Variants in PCDH15 observed in about 807,000 individuals in gnomAD.
PCDH15 encodes the protein protocadherin related 15, also known as protocadherin-15.
In PCDH15, 129 loss-of-function variants were observed where a neutral mutation model predicts 178.5. The ratio of observed to expected loss-of-function variants is 0.72; its 90% confidence interval spans 0.63 to 0.84. The LOEUF is 0.84. Among genes scored for constraint, PCDH15 ranks in the 40% least tolerant of loss-of-function variants. The probability of loss-of-function intolerance (pLI) is 0.00; values close to 1 mark genes in which losing one functional copy is unlikely to be tolerated. For missense variants in PCDH15, 2,230 were observed against 2,099.9 expected, an observed-to-expected ratio of 1.06 and a Z score of -1.21; for synonymous variants, 800 against 732.0, an observed-to-expected ratio of 1.09 and a Z score of -1.50.
chr10:54,867,016 T>A (rs1953954814), intron 3 of PCDH15, among the ~76,000 whole-genome samples: 1 of 152,196 alleles, frequency 6.6e-6, no homozygotes, highest in African/African-American at 2.4e-5. Flanking sequence ...AATTGTGAGA[T>A]GTTTAAAGTT....
rs552773709 is a variant in PCDH15 at position 54,811,471 on chromosome 10, T to A, written c.-29+85979A>T. Among the ~76,000 whole-genome samples, 34 of 152,224 alleles carry A rather than the reference T, an allele frequency of 2.2e-4. 2 individuals carry two copies. The South Asian group carries it at 5.8e-3, about 26-fold the overall frequency. On this transcript the variant is annotated intron_variant, in intron 3 of 5. Transcript: ENST00000458638. Reference sequence around the variant, plus strand: ...TCAGTTATAGCTAAATAATTTTTTTTATTTTATTTTTATTTTTTGAGATGT... The same window carrying A: ...TCAGTTATAGCTAAATAATTTTTTTAATTTTATTTTTATTTTTTGAGATGT...
chr10:54,228,636 C>G (rs955594565), intron 9 of PCDH15, among the ~76,000 whole-genome samples: 1 of 152,132 alleles, frequency 6.6e-6, no homozygotes, highest in African/African-American at 2.4e-5. Flanking sequence ...AATCTGAAAG[C>G]CTGAGAACTA....
At chr10:54,947,589 TA>T (rs2131870502) in intron 2 of PCDH15, among the ~76,000 whole-genome samples, 1 of 151,940 alleles carries the variant, frequency 6.6e-6, no homozygotes, top group African/African-American at 2.4e-5. Context: ...CTTTTTAGTT[TA>T]ATGTCTATAT....
intron 2 of PCDH15, among the ~76,000 whole-genome samples, chr10:54,945,340 AGATAGATAGAT>A (rs1283727057): frequency 2.8e-5 from 3 of 108,830 alleles, no homozygotes; most frequent in Non-Finnish European, 6.7e-5. Flanking sequence ...ATAGATAGAT[AGATAGATAGAT>A]GATAGATAGA....
chr10:55,601,360 T>C (rs1038022313), intron 2 of PCDH15, among the ~76,000 whole-genome samples: 7 of 152,180 alleles, frequency 4.6e-5, no homozygotes, highest in African/African-American at 1.7e-4. Context: ...GAGGATGTGA[T>C]AAAAACGAGG....
intron 23 of PCDH15, among the ~76,000 whole-genome samples, chr10:53,952,377 C>G (rs895587085): frequency 3.9e-5 from 6 of 152,150 alleles, no homozygotes; most frequent in Non-Finnish European, 8.8e-5. Context: ...GCAGGCTGTC[C>G]CGATGTCTGC....
chr10:54,013,216 C>T (rs1220433724), intron 20 of PCDH15, among the ~76,000 whole-genome samples: 1 of 152,000 alleles, frequency 6.6e-6, no homozygotes, highest in Non-Finnish European at 1.5e-5. Flanking sequence ...TCTAAATATC[C>T]CAAATATATA....
chr10:54,556,921 T>G (rs1420965308), intron 2 of PCDH15, among the ~76,000 whole-genome samples: 1 of 152,072 alleles, frequency 6.6e-6, no homozygotes, highest in Non-Finnish European at 1.5e-5. Flanking sequence ...CTGTGTGATT[T>G]AAAATTAATT....
chr10:54,802,431 C>G (rs1591708852), upstream of PCDH15, among the ~76,000 whole-genome samples: 1 of 152,100 alleles, frequency 6.6e-6, no homozygotes. Context: ...TATAGATGAA[C>G]CCCTTGAGCC....
rs2053784108 is a variant in PCDH15, at chr10:54,229,123, C to T, written c.985+7700G>A. Among the ~76,000 whole-genome samples the T allele has an allele frequency of 3.9e-5, 6 of 152,152 alleles. No individual in the cohort carries two copies. In the South Asian group the frequency reaches 1.0e-3, roughly 26 times the overall value. On this transcript the variant is annotated intron_variant, in intron 9 of 37. Coordinates refer to ENST00000644397, the MANE Select transcript of PCDH15 (RefSeq NM_001384140.1). ...CACTAATGATATGTGTAGAAGTGAA[C>T]ACCAACAGAGATGGAAAAATCCCTT... is the stretch of plus-strand genomic sequence containing the variant.
chr10:54,115,509 G>A (rs7916109), intron 15 of PCDH15, among the ~76,000 whole-genome samples: 4,462 of 152,258 alleles, frequency 0.029, 238 homozygotes, highest in African/African-American at 0.1. Flanking sequence ...CCTCATCTGA[G>A]GAAAGCCCAA....
At chr10:54,653,003 A>G in intron 2 of PCDH15, among the ~76,000 whole-genome samples, 1 of 152,208 alleles carries the variant, frequency 6.6e-6, no homozygotes, top group East Asian at 1.9e-4. Flanking sequence ...ATTTTCTTAT[A>G]ATTTTATTAA....
intron 3 of PCDH15, among the ~76,000 whole-genome samples, chr10:54,421,837 T>TATATATATAC (rs1565230879): frequency 1.4e-4 from 6 of 42,052 alleles, no homozygotes; most frequent in South Asian, 4.3e-4. Context: ...TATATATATA[T>TATATATATAC]ACACACACAC....
At chr10:55,408,639 TA>T (rs985160213) in intron 2 of PCDH15, among the ~76,000 whole-genome samples, 1 of 152,186 alleles carries the variant, frequency 6.6e-6, no homozygotes, top group East Asian at 1.9e-4. Flanking sequence ...GCCAGAAATT[TA>T]AAAATGGTAT....
intron 4 of PCDH15, among the ~76,000 whole-genome samples, chr10:54,374,495 C>T (rs1316899453): frequency 1.3e-5 from 2 of 151,786 alleles, no homozygotes; most frequent in Non-Finnish European, 1.5e-5. Flanking sequence ...ATCACATGCC[C>T]AATAGTGATG....
At chr10:55,348,870 A>G (rs1403212729) in intron 2 of PCDH15, among the ~76,000 whole-genome samples, 1 of 152,152 alleles carries the variant, frequency 6.6e-6, no homozygotes, top group Non-Finnish European at 1.5e-5. Flanking sequence ...TGGATTATAC[A>G]ATGAAATAAG....
chr10:53,866,352 G>C (rs2079446641), intron 27 of PCDH15, among the ~76,000 whole-genome samples: 1 of 151,502 alleles, frequency 6.6e-6, no homozygotes. Flanking sequence ...GAAATCCAGT[G>C]CTTATACCTT....
chr10:54,888,306 G>T (rs1367136332), intron 3 of PCDH15, among the ~76,000 whole-genome samples: 5 of 151,894 alleles, frequency 3.3e-5, no homozygotes, highest in African/African-American at 1.2e-4. Flanking sequence ...TGTTATTTTT[G>T]TCTGACTTTA....
chr10:55,520,138 GTA>G (rs1301736979), intron 2 of PCDH15, among the ~76,000 whole-genome samples: 88 of 112,722 alleles, frequency 7.8e-4, no homozygotes, highest in African/African-American at 2.8e-3. Flanking sequence ...CACGCAATGT[GTA>G]TATATATATA....
Sources: allele counts gnomAD v4.1 joint callset (sites outside exome capture counted in the v4.1 genomes callset), GRCh38; gene constraint gnomAD v4.1.1; transcripts MANE v1.5; gene names NCBI Gene and HGNC (gene_info 2026-07-23, HGNC 2026-07-21).